The following PTPRD variants were observed in gnomAD, a reference collection of about 807,000 sequenced individuals.
PTPRD encodes receptor-type tyrosine-protein phosphatase delta.
PTPRD carries 34 observed loss-of-function variants against 214.5 expected under a neutral mutation model. The ratio of observed to expected loss-of-function variants is 0.16; its 90% CI spans 0.12 to 0.21. PTPRD has a LOEUF of 0.21. Among genes scored for constraint, PTPRD ranks in the 10% least tolerant of loss-of-function variants. The pLI, the probability that PTPRD is intolerant of heterozygous loss-of-function variation, is 1.00. For synonymous variants in PTPRD, 1,128 were observed against 845.7 expected (o/e 1.33, Z -5.79); for missense variants, 2,545 against 2,398.7 (o/e 1.06, Z -1.27).
chr9:10,160,382 G>A (rs992425776), intron 3 of PTPRD, among the ~76,000 whole-genome samples: 3 of 151,964 alleles, frequency 2.0e-5, no homozygotes, highest in Admixed American at 6.6e-5. Context: ...GAAAAGCCCA[G>A]AATCTGTTGG....
intron 4 of PTPRD, among the ~76,000 whole-genome samples, chr9:9,975,790 T>C (rs1215208160): frequency 6.6e-6 from 1 of 152,194 alleles, no homozygotes; most frequent in Non-Finnish European, 1.5e-5. Flanking sequence ...ATTAGTTCTG[T>C]TACCTTGATT....
rs542922219 is a variant in PTPRD at position 9,310,533 on chromosome 9, CT to C, written c.-203+86915del. On this transcript the variant is annotated intron_variant, in intron 9 of 45. Transcript: ENST00000381196. ...CCTGATGTGACAATCATGTCTTTAG[CT>C]GAAAAGGCAGAAAGAAATACTTTAA... Among the ~76,000 whole-genome samples, 59 of 152,202 alleles carry C rather than the reference CT, an allele frequency of 3.9e-4. No individual in the cohort carries two copies. The South Asian group carries it at 6.6e-3, about 17-fold the overall frequency.
At chr9:10,362,528 T>G (rs1036976220) in intron 2 of PTPRD, among the ~76,000 whole-genome samples, 3 of 152,068 alleles carry the variant, frequency 2.0e-5, no homozygotes, top group Non-Finnish European at 4.4e-5. Context: ...ATTCTTACTC[T>G]TACACACGAA....
chr9:8,793,677 C>T (rs889660363), intron 11 of PTPRD, among the ~76,000 whole-genome samples: 1 of 152,064 alleles, frequency 6.6e-6, no homozygotes, highest in Non-Finnish European at 1.5e-5. Flanking sequence ...GCCAAATAAC[C>T]ATAATATTCT....
chr9:9,902,316 A>G (rs1367331463), intron 5 of PTPRD, among the ~76,000 whole-genome samples: 1 of 152,172 alleles, frequency 6.6e-6, no homozygotes, highest in African/African-American at 2.4e-5. Flanking sequence ...AATTTTTGCA[A>G]CATCGTGTAA....
intron 14 of PTPRD, among the ~76,000 whole-genome samples, chr9:8,531,739 A>G (rs912452207): frequency 6.6e-6 from 1 of 152,092 alleles, no homozygotes; most frequent in Admixed American, 6.6e-5. Flanking sequence ...CTACAAGTTC[A>G]TCTCTCGGAA....
intron 3 of PTPRD, among the ~76,000 whole-genome samples, chr9:10,070,536 T>G (rs2097984651): frequency 6.6e-6 from 1 of 151,936 alleles, no homozygotes; most frequent in Non-Finnish European, 1.5e-5. Flanking sequence ...TAGGAATAAT[T>G]AAAACATGCA....
chr9:9,489,388 G>A (rs185317353), intron 8 of PTPRD, among the ~76,000 whole-genome samples: 177 of 152,078 alleles, frequency 1.2e-3, no homozygotes, highest in Non-Finnish European at 1.8e-3. Context: ...CAAAGAGAGA[G>A]GAACAAAGGG....
Position 9,284,718 on chromosome 9 carries a change from T to C in PTPRD, c.-202-101355A>G, listed in dbSNP as rs138433900. On this transcript the variant is annotated intron_variant, in intron 9 of 45. Coordinates refer to ENST00000381196, the MANE Select transcript of PTPRD (RefSeq NM_002839.4). ...GAAGACAGCCTTTTAGAGAAAAGTG[T>C]CCTGGTGCAATGGAAAAGAACATAG... 2.6e-4 allele frequency among the ~76,000 whole-genome samples: 39 copies of C among 151,878 alleles called. No individual in the cohort carries two copies. The East Asian group carries it at 6.9e-3, about 27-fold the overall frequency.
At chr9:9,838,005 G>C (rs564309865) in intron 5 of PTPRD, among the ~76,000 whole-genome samples, 1 of 152,092 alleles carries the variant, frequency 6.6e-6, no homozygotes, top group African/African-American at 2.4e-5. Context: ...ACCAATGAGT[G>C]AGAACACACG....
At chr9:8,730,239 G>A (rs2098641592) in intron 12 of PTPRD, among the ~76,000 whole-genome samples, 1 of 152,116 alleles carries the variant, frequency 6.6e-6, no homozygotes, top group African/African-American at 2.4e-5. Context: ...CTAGGCGACT[G>A]AGCGAGACTC....
intron 7 of PTPRD, among the ~76,000 whole-genome samples, chr9:9,704,322 C>T (rs778898205): frequency 4.6e-5 from 7 of 151,802 alleles, no homozygotes; most frequent in African/African-American, 7.3e-5. Context: ...TAGCCCTTTA[C>T]GTCTGTTTAA....
At chr9:9,335,499 C>T (rs1221715601) in intron 9 of PTPRD, among the ~76,000 whole-genome samples, 2 of 152,068 alleles carry the variant, frequency 1.3e-5, no homozygotes, top group South Asian at 4.1e-4. Context: ...TATATTAAGA[C>T]ATTACCTTAC....
chr9:9,993,668 CA>C lies in PTPRD; in HGVS notation c.-472+40049del, dbSNP rs1052611359. On this transcript the variant is annotated intron_variant, in intron 4 of 45. Transcript: ENST00000381196. ...AGGGGTTTGTGATTAGCAGAGGTAT[CA>C]GGGGCTAATATAACAAGAGTGATAT... Among the ~76,000 whole-genome samples, 7 of 152,220 alleles carry C rather than the reference CA, an allele frequency of 4.6e-5. 1 individual carries two copies. Among genetic ancestry groups the C allele is most frequent in the African/African-American group, 1.7e-4 (7 of 41,538 alleles).
chr9:8,777,657 T>C (rs1422485677), intron 11 of PTPRD, among the ~76,000 whole-genome samples: 1 of 152,168 alleles, frequency 6.6e-6, no homozygotes, highest in East Asian at 1.9e-4. Context: ...CTTAAATAAA[T>C]GACACATCTG....
At chr9:8,995,496 C>G (rs1371128676) in intron 11 of PTPRD, among the ~76,000 whole-genome samples, 1 of 151,956 alleles carries the variant, frequency 6.6e-6, no homozygotes, top group Non-Finnish European at 1.5e-5. Flanking sequence ...CACAGTGGGT[C>G]ACTATTTTAC....
intron 10 of PTPRD, among the ~76,000 whole-genome samples, chr9:9,149,575 T>C (rs986895269): frequency 4.6e-5 from 7 of 152,166 alleles, no homozygotes; most frequent in African/African-American, 1.7e-4. Context: ...TTCAGCAACA[T>C]GTTCATGAAA....
intron 35 of PTPRD, among the ~76,000 whole-genome samples, chr9:8,434,743 T>C (rs944143846): frequency 1.3e-5 from 2 of 152,216 alleles, no homozygotes; most frequent in African/African-American, 4.8e-5. Context: ...TTCTGGTTCA[T>C]AAAAATTGAC....
At chr9:8,405,460 A>G (rs907559923) in intron 35 of PTPRD, among the ~76,000 whole-genome samples, 15 of 152,106 alleles carry the variant, frequency 9.9e-5, no homozygotes. Context: ...ACAATCTAAA[A>G]TAAACATCAA....
Sources: gnomAD v4.1 joint callset for allele counts (sites outside exome capture counted in the v4.1 genomes callset) on GRCh38, gnomAD v4.1.1 for gene constraint, MANE v1.5 for transcripts, NCBI Gene and HGNC (gene_info 2026-07-23, HGNC 2026-07-21) for gene names.